The following SH3GL1 variants were observed in gnomAD, a reference collection of about 807,000 sequenced individuals.
SH3GL1 encodes the protein endophilin-A2.
A neutral mutation model predicts 48.8 loss-of-function variants in SH3GL1; 21 were observed. That is an observed-to-expected ratio of 0.43 (90% CI 0.30 to 0.62). The LOEUF is 0.62. Ranked by LOEUF, SH3GL1 falls within the 20% of genes least tolerant of loss-of-function variation. The pLI is 0.11. For synonymous variants in SH3GL1, 282 were observed against 217.5 expected, an observed-to-expected ratio of 1.30 and a Z score of -2.61; for missense variants, 454 against 503.0, an observed-to-expected ratio of 0.90 and a Z score of 0.93.
At chr19:4,366,449 C>T (rs1017925699) in intron 3 of SH3GL1, 52 bp downstream of exon 3, 1 of 1,448,486 alleles carries the variant, frequency 6.9e-7, no homozygotes, top group African/African-American at 1.4e-5. Context: ...TTCCCTCTGA[C>T]ACAGAGGCCA....
chr19:4,381,662 C>G (rs1205278362), intron 1 of SH3GL1, among the ~76,000 whole-genome samples: 1 of 127,564 alleles, frequency 7.8e-6, no homozygotes, highest in African/African-American at 2.9e-5. Context: ...CTTCATTTCC[C>G]CCGCCTCTCT....
rs549291453 is a variant in SH3GL1 at position 4,400,210 on chromosome 19, G to A, written c.45+114C>T. 442 of 1,175,014 alleles carry A rather than the reference G, an allele frequency of 3.8e-4. No individual in the cohort carries two copies. In the African/African-American group the frequency reaches 6.5e-3, roughly 17 times the overall value. 72.8% of individuals were successfully genotyped at this position (1,175,014 alleles called of 1,614,324 possible). ...TCTTCCCACCTGGCAGGGGACACGC[G>A]CCAACGTCCCCACCTCGGTCCCCCC... On this transcript the variant is annotated intron_variant, in intron 1 of 9. Coordinates refer to ENST00000269886, the MANE Select transcript of SH3GL1 (RefSeq NM_003025.4). The surrounding 1 kb of genome is among the most constrained non-coding windows in gnomAD (Gnocchi z 4.1).
chr19:4,370,961 A>C (rs1408096420), intron 1 of SH3GL1, among the ~76,000 whole-genome samples: 3 of 151,984 alleles, frequency 2.0e-5, no homozygotes, highest in Non-Finnish European at 4.4e-5. Flanking sequence ...AGACCTGCCC[A>C]CTCTATGCTC....
chr19:4,377,068 G>A (rs1023190108), intron 1 of SH3GL1, among the ~76,000 whole-genome samples: 1 of 152,234 alleles, frequency 6.6e-6, no homozygotes, highest in African/African-American at 2.4e-5. Flanking sequence ...AGGCCGCCAG[G>A]CCCATTCCCA....
At position 4,362,697 on chromosome 19, in the gene SH3GL1, C is replaced by T. The variant is rs753602842; in HGVS notation, c.768G>A (p.Lys256=). The stretch of plus-strand genomic sequence containing the variant: ...GGTCAAAGGGCTCCCGGGGCTTGGG[C>T]TTATACTCCCGCTTAGGGCGTGAGG... The part of the protein sequence containing the change: ...EASSRPKREY[K]PKPREPFDLG... The change falls in exon 8 of 10, where the codon AAG becomes AAA. Residue 256 remains lysine, a synonymous_variant. Coordinates refer to ENST00000269886, the MANE Select transcript of SH3GL1 (RefSeq NM_003025.4). 17 of 1,614,036 alleles carry T rather than the reference C, an allele frequency of 1.1e-5. No individual in the cohort carries two copies. The South Asian group carries it at 1.6e-4, about 16-fold the overall frequency.
In SH3GL1 at chr19:4,366,554, T is replaced by C. The variant is rs566081903; in HGVS notation, c.134A>G (p.Lys45Arg). 1.2e-6 allele frequency: 2 copies of C among 1,612,150 alleles called. No homozygotes were observed. Among genetic ancestry groups the C allele is most frequent in the Admixed American group, 3.3e-5 (2 of 59,814 alleles). Residue 45 changes from lysine (K) to arginine (R), a missense_variant, in exon 3 of 10, where the codon AAG becomes AGG. Around this residue, in one of 2 missense-constraint regions of SH3GL1, gnomAD observed 176 missense variants for 256.2 expected, o/e 0.69. Transcript: ENST00000269886. Reference sequence around the variant, plus strand: ...CCTGGCCAGCACTTCTGTCACCGCCTTGCTGGTGACATCCACCTTCTGTGA... The same window carrying C: ...CCTGGCCAGCACTTCTGTCACCGCCCTGCTGGTGACATCCACCTTCTGTGA... ...EMEKKVDVTS[K>R]AVTEVLARTI...
intron 1 of SH3GL1, among the ~76,000 whole-genome samples, chr19:4,382,763 C>T (rs1340602349): frequency 2.6e-5 from 4 of 152,136 alleles, no homozygotes; most frequent in African/African-American, 7.2e-5. Flanking sequence ...CATCACTTCT[C>T]GTTATTCGTG....
rs78996208 is a variant in SH3GL1, at chr19:4,373,373, C to T, written c.46-6379G>A. 1.9e-3 allele frequency among the ~76,000 whole-genome samples: 294 copies of T among 152,364 alleles called. 2 individuals carry two copies. The East Asian group carries it at 0.041, about 21-fold the overall frequency. On this transcript the variant is annotated intron_variant, in intron 1 of 9. Transcript: ENST00000269886. Reference sequence around the variant, plus strand: ...AGTTCTGAGAGCCCTGGATTTGCCACTGTCCTTCGAGCCTCCAGCCTCTCA... The same window carrying T: ...AGTTCTGAGAGCCCTGGATTTGCCATTGTCCTTCGAGCCTCCAGCCTCTCA...
At chr19:4,373,606 G>A (rs574586549) in intron 1 of SH3GL1, among the ~76,000 whole-genome samples, 1 of 152,296 alleles carries the variant, frequency 6.6e-6, no homozygotes, top group East Asian at 1.9e-4. Flanking sequence ...GCGCTCCTCT[G>A]GGAACCAAGC....
intron 1 of SH3GL1, among the ~76,000 whole-genome samples, chr19:4,372,675 C>A (rs532617689): frequency 6.6e-6 from 1 of 152,344 alleles, no homozygotes; most frequent in African/African-American, 2.4e-5. Context: ...AGCCACTGCC[C>A]AACACACATG....
rs1359859185 is a variant in SH3GL1 at position 4,379,648 on chromosome 19, G to A, written c.46-12654C>T. Among the ~76,000 whole-genome samples, 6 of 151,952 alleles carry A rather than the reference G, an allele frequency of 3.9e-5. No individual in the cohort carries two copies. In the East Asian group the frequency reaches 9.7e-4, roughly 25 times the overall value. ...CTTGGCACAGCTGCCCATCCTGAAC[G>A]CAACTCCTTCCCTGGGGATGTCCCG... On this transcript the variant is annotated intron_variant, in intron 1 of 9. Coordinates refer to ENST00000269886, the MANE Select transcript of SH3GL1 (RefSeq NM_003025.4).
intron 1 of SH3GL1, among the ~76,000 whole-genome samples, chr19:4,379,400 T>C (rs1766702307): frequency 1.4e-5 from 2 of 147,342 alleles, no homozygotes; most frequent in African/African-American, 2.5e-5. Flanking sequence ...CACTCCTGCC[T>C]GGGTGACAGC....
At chr19:4,384,996 C>T (rs766454498) in intron 1 of SH3GL1, among the ~76,000 whole-genome samples, 2 of 149,750 alleles carry the variant, frequency 1.3e-5, no homozygotes, top group Admixed American at 6.7e-5. Flanking sequence ...CCCAGCTACT[C>T]GGGAGGCTGA....
intron 1 of SH3GL1, among the ~76,000 whole-genome samples, chr19:4,382,554 G>A (rs1358539092): frequency 3.3e-5 from 5 of 152,188 alleles, no homozygotes; most frequent in African/African-American, 9.7e-5. Context: ...ACCGCGCCCG[G>A]CCCAGGTGCT....
intron 1 of SH3GL1, among the ~76,000 whole-genome samples, chr19:4,394,048 C>T (rs955497485): frequency 4.1e-5 from 6 of 147,666 alleles, no homozygotes; most frequent in Admixed American, 6.9e-5. Flanking sequence ...TGGGAGGTGA[C>T]GCTTGTGAAT....
intron 1 of SH3GL1, among the ~76,000 whole-genome samples, chr19:4,384,215 G>A (rs753942005): frequency 3.3e-5 from 5 of 152,224 alleles, no homozygotes; most frequent in Admixed American, 6.5e-5. Flanking sequence ...AGCAGAAGCA[G>A]AGTCCTCAGA....
chr19:4,378,282 T>C (rs1477680214), intron 1 of SH3GL1, among the ~76,000 whole-genome samples: 1 of 151,986 alleles, frequency 6.6e-6, no homozygotes, highest in African/African-American at 2.4e-5. Flanking sequence ...GACGTGGGAT[T>C]AGGGTGCCTG....
At chr19:4,391,687 C>T (rs1013755512) in intron 1 of SH3GL1, among the ~76,000 whole-genome samples, 3 of 152,148 alleles carry the variant, frequency 2.0e-5, no homozygotes, top group Non-Finnish European at 4.4e-5. Flanking sequence ...ACAGACAGGC[C>T]CGGGGAGCCG....
chr19:4,398,978 A>C (rs1973471234), intron 1 of SH3GL1, among the ~76,000 whole-genome samples: 2 of 152,220 alleles, frequency 1.3e-5, no homozygotes, highest in Admixed American at 1.3e-4. Context: ...CAACTGGTTA[A>C]ATAAATTATG....
Sources: gnomAD v4.1 joint callset for allele counts (sites outside exome capture counted in the v4.1 genomes callset) on GRCh38, gnomAD v4.1.1 for gene constraint, gnomAD v4.1.1 regional missense constraint, Gnocchi (gnomAD v3.1) non-coding constraint, MANE v1.5 for transcripts, NCBI Gene and HGNC (gene_info 2026-07-23, HGNC 2026-07-21) for gene names.